Variants in PPP1CB observed in about 807,000 individuals in gnomAD.
The protein encoded by PPP1CB is serine/threonine-protein phosphatase PP1-beta catalytic subunit.
In PPP1CB, 2 loss-of-function variants were observed where a neutral mutation model predicts 43.7. The ratio of observed to expected loss-of-function variants is 0.05; its 90% confidence interval spans 0.02 to 0.14. The LOEUF (loss-of-function observed/expected upper bound fraction) is 0.14, where lower values mean the gene tolerates loss of function less well. PPP1CB is among the 10% of genes least tolerant of loss of function. The pLI is 1.00. For synonymous variants in PPP1CB, 136 were observed against 135.6 expected (o/e 1.00, Z -0.02); for missense variants, 84 against 398.0 (o/e 0.21, Z 6.71).
intron 1 of PPP1CB, among the ~76,000 whole-genome samples, chr2:28,769,269 C>T (rs186981691): frequency 2.0e-5 from 3 of 152,262 alleles, no homozygotes; most frequent in East Asian, 3.9e-4. Flanking sequence ...GAGTTTTGCT[C>T]GTGTGGCCGA....
At chr2:28,774,384 TTTG>T (rs2148047152) in intron 1 of PPP1CB, among the ~76,000 whole-genome samples, 1 of 152,296 alleles carries the variant, frequency 6.6e-6, no homozygotes, top group Non-Finnish European at 1.5e-5. Context: ...TAGCTGTGTG[TTTG>T]TTATCTGAAA....
intron 5 of PPP1CB, among the ~76,000 whole-genome samples, chr2:28,784,917 CAAAAAAAA>C (rs869155670): frequency 1.3e-5 from 1 of 79,088 alleles, no homozygotes; most frequent in Non-Finnish European, 2.3e-5. Context: ...GAAACTGTCT[CAAAAAAAA>C]AAAAAAAAAG....
intron 1 of PPP1CB, among the ~76,000 whole-genome samples, chr2:28,773,670 C>T (rs537613791): frequency 1.1e-4 from 16 of 152,098 alleles, no homozygotes; most frequent in Admixed American, 9.8e-4. Context: ...TGATTTCTTC[C>T]TTTTTTTCAG....
At chr2:28,783,798 T>A (rs1667206127) in intron 4 of PPP1CB, 109 bp from the exon 5 acceptor site, 1 of 748,292 alleles carries the variant, frequency 1.3e-6, no homozygotes, top group African/African-American at 1.8e-5. Context: ...TTTCAGTATC[T>A]TTAATTTCAC....
At chr2:28,797,738 A>C (rs1273230666) in intron 7 of PPP1CB, among the ~76,000 whole-genome samples, 1 of 152,084 alleles carries the variant, frequency 6.6e-6, no homozygotes, top group Non-Finnish European at 1.5e-5. Flanking sequence ...TCTAGCTAGC[A>C]GTCTATCTTG....
chr2:28,782,075 T>G (rs1334609565), intron 4 of PPP1CB: 2 of 471,854 alleles, frequency 4.2e-6, no homozygotes, highest in Non-Finnish European at 7.5e-6. Flanking sequence ...ACTAGAGTTG[T>G]TTGAGAAAGT....
chr2:28,763,493 C>G (rs2148458937), intron 1 of PPP1CB, among the ~76,000 whole-genome samples: 1 of 152,018 alleles, frequency 6.6e-6, no homozygotes, highest in Middle Eastern at 3.4e-3. Context: ...CTAGCCCTCA[C>G]CTATATCTGT....
In PPP1CB at chr2:28,765,793, A is replaced by T. The variant is rs192965160; in HGVS notation, c.53-11058A>T. Among the ~76,000 whole-genome samples, 144 of 152,336 alleles carry T rather than the reference A, an allele frequency of 9.5e-4. No individual in the cohort carries two copies. In the Middle Eastern group the frequency reaches 0.017, roughly 18 times the overall value. The stretch of plus-strand genomic sequence containing the variant: ...GCCAGGTGTGGTGGCATGTGCCTAT[A>T]GTCCCAGCTACTTGGGAGGCTGAGG... On this transcript the variant is annotated intron_variant, in intron 1 of 7. Coordinates refer to ENST00000395366, the MANE Select transcript of PPP1CB (RefSeq NM_002709.3).
At chr2:28,766,955 C>T (rs934062976) in intron 1 of PPP1CB, among the ~76,000 whole-genome samples, 1 of 152,008 alleles carries the variant, frequency 6.6e-6, no homozygotes, top group African/African-American at 2.4e-5. Flanking sequence ...GTGGCGGGCA[C>T]CTGTGGTCCC....
At chr2:28,772,820 C>T (rs1436564714) in intron 1 of PPP1CB, among the ~76,000 whole-genome samples, 1 of 152,050 alleles carries the variant, frequency 6.6e-6, no homozygotes, top group Non-Finnish European at 1.5e-5. Flanking sequence ...CTTTGAGCAT[C>T]ATATTAGCAC....
In PPP1CB at chr2:28,788,481, T is replaced by A. The variant is rs536206020; in HGVS notation, c.593-177T>A. On this transcript the variant is annotated intron_variant, in intron 5 of 7. Transcript: ENST00000395366. ...CATGGAAGATTATATTTGTATGGTTTGTATGGTTGCTTTAACAAAAGTATA... is the reference window on the plus strand; with the variant it reads ...CATGGAAGATTATATTTGTATGGTTAGTATGGTTGCTTTAACAAAAGTATA... Among the ~76,000 whole-genome samples the A allele has an allele frequency of 4.6e-5, 7 of 152,368 alleles. No individual in the cohort carries two copies. The East Asian group carries it at 1.3e-3, about 29-fold the overall frequency.
chr2:28,781,729 T>G lies in PPP1CB; in HGVS notation c.416-9T>G. ...ATTTTTTAATTTATTCTATCTGTTC[T>G]TTTTACAGGCAAACGAAGATTTAAT... On this transcript the variant is annotated splice_polypyrimidine_tract_variant and intron_variant, in intron 3 of 7. Coordinates refer to ENST00000395366, the MANE Select transcript of PPP1CB (RefSeq NM_002709.3). 1 of 1,582,156 alleles carries G rather than the reference T, an allele frequency of 6.3e-7. No individual in the cohort carries two copies.
At chr2:28,761,109 C>A (rs910239580) in intron 1 of PPP1CB, among the ~76,000 whole-genome samples, 14 of 152,068 alleles carry the variant, frequency 9.2e-5, no homozygotes, top group African/African-American at 3.1e-4. Context: ...TTCACTAAAT[C>A]TCGAACACCT....
At position 28,751,832 on chromosome 2, in the gene PPP1CB, G is replaced by A. The variant is rs565522212; in HGVS notation, c.-293G>A. 2.4e-5 allele frequency: 12 copies of A among 495,352 alleles called. No homozygotes were observed. The highest frequency in any genetic ancestry group is 2.0e-4 in the African/African-American group (10 of 49,246). 30.7% of individuals were successfully genotyped at this position (495,352 alleles called of 1,614,324 possible). ...CGTCGGCGGCGCTGGTGAGCTTTGC[G>A]GAGCTGGGCGGTGCCGAGGAGGAGG... is the stretch of plus-strand genomic sequence containing the variant. On this transcript the variant is annotated 5_prime_UTR_variant, in exon 1 of 8. Coordinates refer to ENST00000395366, the MANE Select transcript of PPP1CB (RefSeq NM_002709.3).
intron 7 of PPP1CB, among the ~76,000 whole-genome samples, chr2:28,794,869 T>C (rs902368488): frequency 3.9e-5 from 6 of 152,136 alleles, no homozygotes; most frequent in Non-Finnish European, 8.8e-5. Context: ...ATGTACGTAC[T>C]AGGTTCAGGG....
At chr2:28,752,471 T>G (rs1169944866) in intron 1 of PPP1CB, among the ~76,000 whole-genome samples, 1 of 152,098 alleles carries the variant, frequency 6.6e-6, no homozygotes, top group African/African-American at 2.4e-5. Context: ...AGACAGCCTT[T>G]CGGAAAGGCC....
At chr2:28,776,741 T>C (rs780193272) in intron 1 of PPP1CB, 110 bp from the exon 2 acceptor site, 36 of 948,560 alleles carry the variant, frequency 3.8e-5, no homozygotes, top group Non-Finnish European at 5.4e-5. Flanking sequence ...AATAGGGTAA[T>C]TTGCTGCCTG....
chr2:28,777,149 G>A (rs1667059955), intron 2 of PPP1CB, 167 bp downstream of exon 2: 2 of 609,420 alleles, frequency 3.3e-6, no homozygotes, highest in South Asian at 5.6e-5. Context: ...ACAAGTTACA[G>A]ACAAGATGAA....
chr2:28,780,084 C>CTTTTTTTTTT (rs10559224), intron 3 of PPP1CB, among the ~76,000 whole-genome samples: 166 of 131,808 alleles, frequency 1.3e-3, no homozygotes, highest in East Asian at 3.6e-3. Context: ...TCTTTTCTTT[C>CTTTTTTTTTT]TTTTTTTTTT....
Sources: gnomAD v4.1 joint callset for allele counts (sites outside exome capture counted in the v4.1 genomes callset) on GRCh38, gnomAD v4.1.1 for gene constraint, MANE v1.5 for transcripts, NCBI Gene and HGNC (gene_info 2026-07-23, HGNC 2026-07-21) for gene names.